Variants in BRMS1 observed in about 807,000 individuals in gnomAD.
BRMS1 encodes breast cancer metastasis-suppressor 1.
Under a neutral mutation model 40.4 loss-of-function variants are expected in BRMS1, and 26 were observed. That is an observed-to-expected ratio of 0.64 (90% CI 0.47 to 0.89). The LOEUF is 0.89. Ranked by LOEUF, BRMS1 falls within the 40% of genes least tolerant of loss-of-function variation. The pLI is 0.00. For missense variants in BRMS1, 289 were observed against 309.4 expected (o/e 0.93, Z 0.49); for synonymous variants, 103 against 116.0 (o/e 0.89, Z 0.72).
At chr11:66,342,058 G>GTGTGT in intron 2 of BRMS1, 38 bp downstream of exon 2, 1 of 1,281,262 alleles carries the variant, frequency 7.8e-7, no homozygotes, top group South Asian at 1.3e-5. Context: ...TAGGGGCTCT[G>GTGTGT]TGTGTGTGTG....
Position 66,342,091 on chromosome 11 carries a change from C to A in BRMS1, c.139+5G>T. 2 of 1,609,848 alleles carry A rather than the reference C, an allele frequency of 1.2e-6. No individual in the cohort carries two copies. The highest frequency in any genetic ancestry group is 2.2e-5 in the South Asian group (2 of 90,876). ...GTGTGTGTGTCTGTGTGTGTAGGGG[C>A]TCACCGGAGCTCTCCTCTTCTGACT... is the stretch of plus-strand genomic sequence containing the variant. On this transcript the variant is annotated splice_donor_5th_base_variant and intron_variant, in intron 2 of 9. Transcript: ENST00000359957.
chr11:66,339,050 C>T (rs1370001129), intron 7 of BRMS1, among the ~76,000 whole-genome samples: 1 of 152,194 alleles, frequency 6.6e-6, no homozygotes, highest in Non-Finnish European at 1.5e-5. Flanking sequence ...AGGCCCATCC[C>T]ATCTCACTCT....
rs371671433 is a variant in BRMS1, at chr11:66,341,053, A to G, written c.359-7T>C. 61 of 1,613,624 alleles carry G rather than the reference A, an allele frequency of 3.8e-5. 1 individual carries two copies. In the African/African-American group the frequency reaches 7.5e-4, roughly 20 times the overall value. On this transcript the variant is annotated splice_region_variant and splice_polypyrimidine_tract_variant and intron_variant, in intron 4 of 9. Transcript: ENST00000359957. This position sits in a 1 kb window ranked among gnomAD's most constrained non-coding sequence, Gnocchi z 4.9. ...CAGAAGCCCTTGTAGATCCCTGCAG[A>G]GAAAGGGAGGAGGGTCCCTGCTTGG...
rs745495658 is a variant in BRMS1 at position 66,341,245 on chromosome 11, C to A, written c.319G>T (p.Gly107Trp). The A allele has an allele frequency of 6.2e-7, 1 of 1,613,578 alleles. No homozygotes were observed. The highest frequency in any genetic ancestry group is 8.5e-7 in the Non-Finnish European group (1 of 1,179,662). The part of the protein sequence containing the change: ...RAPEYTEPLG[G>W]LQRSLKIRIQ... The stretch of plus-strand genomic sequence containing the variant: ...CGAATCTTGAGGCTCCGCTGCAGCC[C>A]CCCAAGGGGCTCCGTGTATTCAGGG... The change falls in exon 4 of 10, where the codon GGG (glycine) becomes TGG (tryptophan). Residue 107 changes from glycine to tryptophan, a missense_variant. Transcript: ENST00000359957. This position sits in a 1 kb window ranked among gnomAD's most constrained non-coding sequence, Gnocchi z 4.9.
At chr11:66,340,633 G>C in intron 6 of BRMS1, 141 bp downstream of exon 6, 1 of 684,438 alleles carries the variant, frequency 1.5e-6, no homozygotes, top group Non-Finnish European at 2.4e-6. Context: ...TTCCAGGCCT[G>C]GTCTCCTTCA....
At chr11:66,344,747 C>T (rs989690246) in intron 1 of BRMS1, 1 of 152,372 alleles carries the variant, frequency 6.6e-6, no homozygotes, top group African/African-American at 2.4e-5. Flanking sequence ...AAGGCAGACC[C>T]TCCCCACTCT....
intron 7 of BRMS1, among the ~76,000 whole-genome samples, chr11:66,339,009 C>T (rs1450534741): frequency 6.6e-6 from 1 of 152,176 alleles, no homozygotes; most frequent in African/African-American, 2.4e-5. Flanking sequence ...GTCCCTTGCT[C>T]ACCCTCACCT....
chr11:66,342,066 G>GTGTGTT lies in BRMS1; in HGVS notation c.139+29_139+30insAACACA, dbSNP rs771494290. On this transcript the variant is annotated intron_variant, in intron 2 of 9. Coordinates refer to ENST00000359957, the MANE Select transcript of BRMS1 (RefSeq NM_015399.4). ...GTGTGTGTAGGGGCTCTGTGTGTGT[G>GTGTGTT]TGTGTGTGTCTGTGTGTGTAGGGGC... is the stretch of plus-strand genomic sequence containing the variant. The GTGTGTT allele has an allele frequency of 5.1e-4, 817 of 1,605,388 alleles. 6 individuals carry two copies. The highest frequency in any genetic ancestry group is 4.3e-5 in the Non-Finnish European group (51 of 1,176,198).
chr11:66,340,171 G>T lies in BRMS1; in HGVS notation c.578C>A (p.Ser193Tyr). 1 of 1,613,642 alleles carries T rather than the reference G, an allele frequency of 6.2e-7. No homozygotes were observed. The highest frequency in any genetic ancestry group is 8.5e-7 in the Non-Finnish European group (1 of 1,179,924). The stretch of plus-strand genomic sequence containing the variant: ...CTTGCTGGGCGGCAGGGAGTCCCAA[G>T]ACCTGGAGCTGCCTCTGGCGTGCAG... ...DKLHARGSSR[S>Y]WDSLPPSKRK... The change falls in exon 7 of 10, where the codon TCT (serine) becomes TAT (tyrosine). Residue 193 changes from serine to tyrosine, a missense_variant. By Grantham distance (144) the Ser-to-Tyr change is moderately radical. Coordinates refer to ENST00000359957, the MANE Select transcript of BRMS1 (RefSeq NM_015399.4).
Position 66,342,109 on chromosome 11 carries a change from TTC to T in BRMS1, c.124_125del (p.Glu42ArgfsTer8), listed in dbSNP as rs1435374311. On this transcript the variant is annotated frameshift_variant, in exon 2 of 10. Coordinates refer to ENST00000359957, the MANE Select transcript of BRMS1 (RefSeq NM_015399.4). LOFTEE classifies it high-confidence loss of function. ...GTAGGGGCTCACCGGAGCTCTCCTC[TTC>T]TGACTCTGTCTGGCTGCCGCTCCGC... ...EERSGSQTESEEESSEMDDED... is the reference protein window; with the variant it reads ...EERSGSQTESXEESSEMDDED... The T allele has an allele frequency of 3.1e-6, 5 of 1,613,236 alleles. No individual in the cohort carries two copies. The African/African-American group carries it at 6.7e-5, about 22-fold the overall frequency.
At chr11:66,338,916 G>T in intron 7 of BRMS1, 131 bp from the exon 8 acceptor site, 1 of 885,582 alleles carries the variant, frequency 1.1e-6, no homozygotes, top group Non-Finnish European at 1.7e-6. Context: ...CCGAGGTCAG[G>T]TTCCACCTCC....
chr11:66,342,313 G>A, intron 1 of BRMS1, 72 bp from the exon 2 acceptor site: 1 of 1,567,822 alleles, frequency 6.4e-7, no homozygotes, highest in Non-Finnish European at 8.6e-7. Flanking sequence ...GCAGGATGCT[G>A]AACACAACTC....
intron 7 of BRMS1, 47 bp from the exon 8 acceptor site, chr11:66,338,832 G>C (rs1260309193): frequency 6.7e-7 from 1 of 1,503,522 alleles, no homozygotes; most frequent in East Asian, 2.3e-5. Flanking sequence ...AGGTGACGAG[G>C]GCAGGGCCAC....
intron 1 of BRMS1, among the ~76,000 whole-genome samples, chr11:66,343,197 C>T (rs552537669): frequency 1.3e-5 from 2 of 152,340 alleles, no homozygotes; most frequent in African/African-American, 4.8e-5. Flanking sequence ...CCCACTTGTT[C>T]GATGTCCTCA....
intron 6 of BRMS1, 108 bp downstream of exon 6, chr11:66,340,666 G>A (rs547441291): frequency 3.6e-5 from 33 of 916,514 alleles, no homozygotes; most frequent in Non-Finnish European, 5.3e-5. Context: ...ACCCCAACAG[G>A]CAGGTCCTCT....
At chr11:66,343,809 G>A (rs889232744) in intron 1 of BRMS1, among the ~76,000 whole-genome samples, 1 of 151,882 alleles carries the variant, frequency 6.6e-6, no homozygotes, top group Non-Finnish European at 1.5e-5. Context: ...GTCACCAAAG[G>A]GGCAGATGAG....
Position 66,340,859 on chromosome 11 carries a change from C to T in BRMS1, c.450G>A (p.Leu150=). The change falls in exon 6 of 10, where the codon CTG becomes CTA. Residue 150 remains leucine (L), a synonymous_variant. Transcript: ENST00000359957. The stretch of plus-strand genomic sequence containing the variant: ...CCCCCTGCAGCGTGTCATAGAGCAG[C>T]AGCTTCTCACTCTGGAAGAGGGGGC... ...GAKQHLESEK[L]LLYDTLQGEL... is the part of the protein sequence containing the mutation. The T allele has an allele frequency of 1.9e-6, 3 of 1,614,084 alleles. No homozygotes were observed. The South Asian group carries it at 3.3e-5, about 18-fold the overall frequency.
chr11:66,342,350 G>A, intron 1 of BRMS1, 109 bp from the exon 2 acceptor site: 1 of 1,437,286 alleles, frequency 7.0e-7, no homozygotes, highest in Non-Finnish European at 9.5e-7. Flanking sequence ...AGCCAGGGAA[G>A]TAACTGGCCT....
chr11:66,341,960 G>A lies in BRMS1; in HGVS notation c.139+136C>T, dbSNP rs371246831. On this transcript the variant is annotated intron_variant, in intron 2 of 9. Transcript: ENST00000359957. This position sits in a 1 kb window ranked among gnomAD's most constrained non-coding sequence, Gnocchi z 4.9. ...TGTGCGTGTGTGCGCTTGTGTGCAG[G>A]GTCTGTGTATGTGCTTGTGTGTAGG... 7.3e-6 allele frequency: 7 copies of A among 952,516 alleles called. No individual in the cohort carries two copies. The allele number at this position is 952,516 out of a possible 1,614,324, so 59.0% of individuals were successfully genotyped here. A position where few individuals can be genotyped will look rare whatever the true frequency, so the allele number is the denominator to read the frequency against.
Sources: gnomAD v4.1 joint callset for allele counts (sites outside exome capture counted in the v4.1 genomes callset) on GRCh38, gnomAD v4.1.1 for gene constraint, Gnocchi (gnomAD v3.1) non-coding constraint, MANE v1.5 for transcripts, NCBI Gene and HGNC (gene_info 2026-07-23, HGNC 2026-07-21) for gene names.